Variants in SLC24A4 observed in about 807,000 individuals in gnomAD.
SLC24A4 encodes the protein solute carrier family 24 member 4.
SLC24A4 carries 53 observed loss-of-function variants against 79.0 expected under a neutral mutation model. The ratio of observed to expected loss-of-function variants is 0.67; its 90% CI spans 0.54 to 0.84. SLC24A4 has a LOEUF of 0.84. Ranked by LOEUF, SLC24A4 falls within the 40% of genes least tolerant of loss-of-function variation. The pLI is 0.00. For synonymous variants in SLC24A4, 323 were observed against 323.8 expected (o/e 1.00, Z 0.03); for missense variants, 731 against 822.0 (o/e 0.89, Z 1.35).
chr14:92,366,002 C>T (rs922526437), intron 2 of SLC24A4, among the ~76,000 whole-genome samples: 3 of 152,224 alleles, frequency 2.0e-5, no homozygotes, highest in Non-Finnish European at 4.4e-5. Flanking sequence ...GTGGCAGGCA[C>T]GGTTACAAAT....
chr14:92,426,789 C>T (rs886414361), intron 2 of SLC24A4, among the ~76,000 whole-genome samples: 12 of 152,032 alleles, frequency 7.9e-5, no homozygotes, highest in African/African-American at 1.9e-4. Context: ...TTTCTTCTTT[C>T]GGTTTCTGGC....
intron 2 of SLC24A4, among the ~76,000 whole-genome samples, chr14:92,412,551 A>G (rs968709692): frequency 7.2e-5 from 11 of 152,190 alleles, no homozygotes; most frequent in Admixed American, 6.5e-5. Flanking sequence ...CACAGCCCAC[A>G]GCCCTCCTGT....
intron 2 of SLC24A4, among the ~76,000 whole-genome samples, chr14:92,355,792 C>T (rs976720961): frequency 7.9e-5 from 12 of 152,124 alleles, no homozygotes; most frequent in African/African-American, 2.2e-4. Context: ...CCCTGAGAGT[C>T]GGCCAGGTGA....
intron 2 of SLC24A4, among the ~76,000 whole-genome samples, chr14:92,344,626 C>G (rs1293883348): frequency 6.6e-6 from 1 of 151,878 alleles, no homozygotes; most frequent in Non-Finnish European, 1.5e-5. Flanking sequence ...TGGAACTAGT[C>G]CTGGGGAGGT....
At position 92,453,888 on chromosome 14, in the gene SLC24A4, T is replaced by C; in HGVS notation, c.881-12T>C. On this transcript the variant is annotated splice_polypyrimidine_tract_variant and intron_variant, in intron 10 of 16. Coordinates refer to ENST00000532405, the MANE Select transcript of SLC24A4 (RefSeq NM_153646.4). The stretch of plus-strand genomic sequence containing the variant: ...GAGAGATCAGCACTAATCACGGTGT[T>C]GCGCTCAACAGTGAAGGAGAAGCCA... The C allele has an allele frequency of 6.2e-7, 1 of 1,603,838 alleles. No individual in the cohort carries two copies. The highest frequency in any genetic ancestry group is 8.5e-7 in the Non-Finnish European group (1 of 1,175,518).
chr14:92,483,136 TATG>T (rs1458199192), intron 13 of SLC24A4, among the ~76,000 whole-genome samples: 1 of 152,052 alleles, frequency 6.6e-6, no homozygotes, highest in Non-Finnish European at 1.5e-5. Context: ...GGCAGAGCAA[TATG>T]ACAGGTGGAT....
At chr14:92,467,469 A>C (rs1329950188) in intron 12 of SLC24A4, among the ~76,000 whole-genome samples, 1 of 152,206 alleles carries the variant, frequency 6.6e-6, no homozygotes, top group Non-Finnish European at 1.5e-5. Context: ...TGAAAGACTA[A>C]AAGCTTTCCC....
Position 92,486,781 on chromosome 14 carries a change from G to T in SLC24A4, c.1537+1G>T. 2 of 1,611,112 alleles carry T rather than the reference G, an allele frequency of 1.2e-6. No individual in the cohort carries two copies. Among genetic ancestry groups the T allele is most frequent in the Non-Finnish European group, 1.7e-6 (2 of 1,177,344 alleles). The stretch of plus-strand genomic sequence containing the variant: ...GCCAGCCTAATTGTGGCGAGACAAG[G>T]TATGGATTATGCCCCAGCCCTCATA... On this transcript the variant is annotated splice_donor_variant, in intron 14 of 16. Coordinates refer to ENST00000532405, the MANE Select transcript of SLC24A4 (RefSeq NM_153646.4). LOFTEE classifies it high-confidence loss of function.
At chr14:92,385,136 T>A (rs1889076684) in intron 2 of SLC24A4, among the ~76,000 whole-genome samples, 1 of 152,242 alleles carries the variant, frequency 6.6e-6, no homozygotes, top group African/African-American at 2.4e-5. Context: ...CTTGCCCAGT[T>A]TGGATCTCGC....
chr14:92,427,060 G>A (rs1206666898), intron 2 of SLC24A4, among the ~76,000 whole-genome samples: 1 of 152,204 alleles, frequency 6.6e-6, no homozygotes, highest in Non-Finnish European at 1.5e-5. Flanking sequence ...AAAGGTTTAA[G>A]AACAACGAGC....
rs1402969724 is a variant in SLC24A4, at chr14:92,441,765, T to C, written c.394-324T>C. Among the ~76,000 whole-genome samples, 2 of 152,184 alleles carry C rather than the reference T, an allele frequency of 1.3e-5. No homozygotes were observed. The highest frequency in any genetic ancestry group is 2.9e-5 in the Non-Finnish European group (2 of 68,032). ...CAGTAACAGCAGATAAAACACATCG[T>C]GTATCTGAGGGAAGTGGCTAGCTCT... is the stretch of plus-strand genomic sequence containing the variant. On this transcript the variant is annotated intron_variant, in intron 4 of 16. Coordinates refer to ENST00000532405, the MANE Select transcript of SLC24A4 (RefSeq NM_153646.4). This position sits in a 1 kb window ranked among gnomAD's most constrained non-coding sequence, Gnocchi z 4.6.
chr14:92,453,958 C>T lies in SLC24A4; in HGVS notation c.939C>T (p.Ser313=), dbSNP rs756830416. ...NPVVMVDEIM[S]SSPPKFTFPE... ...TGGTGATGGTGGACGAGATTATGAG[C>T]TCCAGCCCTCCCAAGTTCACCTTCC... is the stretch of plus-strand genomic sequence containing the variant. The change falls in exon 11 of 17, where the codon AGC becomes AGT. Residue 313 remains serine, a synonymous_variant. Transcript: ENST00000532405. The T allele has an allele frequency of 5.0e-6, 8 of 1,613,638 alleles. No homozygotes were observed. Among genetic ancestry groups the T allele is most frequent in the Non-Finnish European group, 6.8e-6 (8 of 1,179,786 alleles).
In SLC24A4 at chr14:92,420,939, A is replaced by G. The variant is rs568149276; in HGVS notation, c.242-12973A>G. Among the ~76,000 whole-genome samples, 4 of 152,122 alleles carry G rather than the reference A, an allele frequency of 2.6e-5. No individual in the cohort carries two copies. In the East Asian group the frequency reaches 7.7e-4, roughly 29 times the overall value. Reference sequence around the variant, plus strand: ...GCCGAGTGCCTGTTGTCATGAACCTACCTGAGAATGGGTCCTGGCATCAGA... The same window carrying G: ...GCCGAGTGCCTGTTGTCATGAACCTGCCTGAGAATGGGTCCTGGCATCAGA... On this transcript the variant is annotated intron_variant, in intron 2 of 16. Transcript: ENST00000532405.
chr14:92,461,578 T>G (rs955052471), intron 12 of SLC24A4, among the ~76,000 whole-genome samples: 1 of 152,140 alleles, frequency 6.6e-6, no homozygotes, highest in Non-Finnish European at 1.5e-5. Flanking sequence ...TGGAGAGAGA[T>G]CTTTCTCTTC....
At chr14:92,486,226 C>A (rs544944952) in intron 13 of SLC24A4, among the ~76,000 whole-genome samples, 17 of 152,190 alleles carry the variant, frequency 1.1e-4, no homozygotes, top group Admixed American at 2.0e-4. Flanking sequence ...AACACTTGTG[C>A]AGTTGGGGAA....
At chr14:92,341,418 G>A (rs1485670218) in intron 2 of SLC24A4, among the ~76,000 whole-genome samples, 1 of 152,172 alleles carries the variant, frequency 6.6e-6, no homozygotes, top group Non-Finnish European at 1.5e-5. Context: ...CCCAGAAAGA[G>A]GTGGAAACTC....
chr14:92,482,997 G>A, intron 13 of SLC24A4, 151 bp downstream of exon 13: 1 of 671,770 alleles, frequency 1.5e-6, no homozygotes, highest in Non-Finnish European at 2.3e-6. Context: ...AAAAGGGTTT[G>A]AATGAGGTGC....
intron 2 of SLC24A4, among the ~76,000 whole-genome samples, chr14:92,389,619 C>A (rs908277001): frequency 3.9e-5 from 6 of 152,160 alleles, no homozygotes; most frequent in African/African-American, 7.2e-5. Context: ...ACCTAGCAAT[C>A]GTTATATGGA....
chr14:92,348,692 C>T lies in SLC24A4; in HGVS notation c.241+22714C>T, dbSNP rs150506830. On this transcript the variant is annotated intron_variant, in intron 2 of 16. Transcript: ENST00000532405. ...AAGATTCATACTAAGACAAGATTGC[C>T]ACTTGAGAAATCTGAAACAGAATCA... Among the ~76,000 whole-genome samples, 17 of 152,238 alleles carry T rather than the reference C, an allele frequency of 1.1e-4. No homozygotes were observed. The East Asian group carries it at 3.3e-3, about 29-fold the overall frequency.
Sources: gnomAD v4.1 joint callset for allele counts (sites outside exome capture counted in the v4.1 genomes callset) on GRCh38, gnomAD v4.1.1 for gene constraint, Gnocchi (gnomAD v3.1) non-coding constraint, MANE v1.5 for transcripts, NCBI Gene and HGNC (gene_info 2026-07-23, HGNC 2026-07-21) for gene names.